The following SGCZ variants were observed in gnomAD, a reference collection of about 807,000 sequenced individuals.
SGCZ encodes the protein sarcoglycan zeta.
In SGCZ, 40 loss-of-function variants were observed where a neutral mutation model predicts 41.3. That is an observed-to-expected ratio of 0.97 (90% CI 0.75 to 1.26). The LOEUF is 1.26. Ranked by LOEUF, SGCZ falls within the 50% of genes most tolerant of loss-of-function variation. SGCZ has a pLI of 0.00. For synonymous variants in SGCZ, 206 were observed against 137.5 expected (o/e 1.50, Z -3.49); for missense variants, 552 against 369.8 (o/e 1.49, Z -4.04).
chr8:15,145,257 C>T (rs1385101067), intron 1 of SGCZ, among the ~76,000 whole-genome samples: 1 of 152,078 alleles, frequency 6.6e-6, no homozygotes, highest in African/African-American at 2.4e-5. Context: ...ATTAGGTGAA[C>T]CAGTAATGAA....
chr8:14,312,652 AGAGGAAGAGGAG>A (rs935200610), intron 3 of SGCZ, among the ~76,000 whole-genome samples: 5 of 150,814 alleles, frequency 3.3e-5, no homozygotes, highest in African/African-American at 5.0e-5. Context: ...AAGAAGAGGA[AGAGGAAGAGGAG>A]GAGGAAGAGG....
chr8:14,946,004 CCATATATATATATATATATATATA>C (rs1476462044), intron 1 of SGCZ, among the ~76,000 whole-genome samples: 1 of 45,760 alleles, frequency 2.2e-5, no homozygotes, highest in African/African-American at 8.8e-5. Flanking sequence ...CTAAATGTCC[CCATATATATATATATATATATATA>C]TATATATATA....
rs936300122 is a variant in SGCZ, at chr8:15,237,649, G to T, written c.-26C>A. ...GGAGCGCAACTAAACGAAGTGGAGA[G>T]GAACCGGGCGAGTGGCACCCAAAAA... On this transcript the variant is annotated 5_prime_UTR_variant, in exon 1 of 8. Coordinates refer to ENST00000382080, the MANE Select transcript of SGCZ (RefSeq NM_139167.4). 1 of 1,574,704 alleles carries T rather than the reference G, an allele frequency of 6.4e-7. No individual in the cohort carries two copies. Among genetic ancestry groups the T allele is most frequent in the African/African-American group, 1.4e-5 (1 of 74,012 alleles).
At chr8:15,192,824 T>C (rs964298684) in intron 1 of SGCZ, among the ~76,000 whole-genome samples, 2 of 152,092 alleles carry the variant, frequency 1.3e-5, no homozygotes, top group Non-Finnish European at 2.9e-5. Flanking sequence ...TTGTGGTTTC[T>C]CACTCCAAGA....
intron 4 of SGCZ, among the ~76,000 whole-genome samples, chr8:14,195,409 G>T (rs1473231710): frequency 6.6e-6 from 1 of 152,076 alleles, no homozygotes; most frequent in Non-Finnish European, 1.5e-5. Flanking sequence ...AGTGATTTTT[G>T]AAACAACTTC....
chr8:14,440,239 A>C (rs1445599134), intron 2 of SGCZ, among the ~76,000 whole-genome samples: 1 of 152,140 alleles, frequency 6.6e-6, no homozygotes, highest in Non-Finnish European at 1.5e-5. Flanking sequence ...ATCAAAAGAT[A>C]TAAAAGAGCT....
intron 1 of SGCZ, among the ~76,000 whole-genome samples, chr8:14,964,655 G>A (rs534933748): frequency 5.3e-5 from 8 of 152,226 alleles, no homozygotes; most frequent in African/African-American, 1.2e-4. Flanking sequence ...TGAAACAAGC[G>A]TTATGGTTCT....
chr8:14,669,202 T>C (rs905743077), intron 1 of SGCZ, among the ~76,000 whole-genome samples: 3 of 148,882 alleles, frequency 2.0e-5, no homozygotes, highest in Non-Finnish European at 4.5e-5. Flanking sequence ...CAAATATATA[T>C]ATATATATAG....
At chr8:14,773,512 T>G (rs980804265) in intron 1 of SGCZ, among the ~76,000 whole-genome samples, 1 of 152,216 alleles carries the variant, frequency 6.6e-6, no homozygotes, top group Admixed American at 6.5e-5. Flanking sequence ...CAAACTCTTC[T>G]GGCTGCCTAC....
intron 1 of SGCZ, among the ~76,000 whole-genome samples, chr8:14,864,257 A>T (rs555257203): frequency 1.3e-5 from 2 of 151,860 alleles, no homozygotes; most frequent in African/African-American, 4.8e-5. Flanking sequence ...TTTTTTTTCT[A>T]TTTCATCCTG....
chr8:14,089,847 A>C lies in SGCZ; in HGVS notation c.*596T>G, dbSNP rs1350563060. 4 of 152,416 alleles carry C rather than the reference A, an allele frequency of 2.6e-5. No individual in the cohort carries two copies. The highest frequency in any genetic ancestry group is 9.7e-5 in the African/African-American group (4 of 41,414). The allele number at this position is 152,416 out of a possible 1,614,324, so 9.4% of individuals were successfully genotyped here. A position where few individuals can be genotyped will look rare whatever the true frequency, so the allele number is the denominator to read the frequency against. Reference sequence around the variant, plus strand: ...AAGAGTAACAGCACATTGAAATTAAAGAAACAGAAGGAAAACTCAGGGAGA... The same window carrying C: ...AAGAGTAACAGCACATTGAAATTAACGAAACAGAAGGAAAACTCAGGGAGA... On this transcript the variant is annotated 3_prime_UTR_variant, in exon 8 of 8. Transcript: ENST00000382080.
At chr8:14,626,457 T>A (rs1806457734) in intron 1 of SGCZ, among the ~76,000 whole-genome samples, 2 of 152,146 alleles carry the variant, frequency 1.3e-5, no homozygotes, top group African/African-American at 4.8e-5. Context: ...ATATTTGAAC[T>A]TTGTCTCTTC....
At chr8:14,298,980 A>T (rs1801102987) in intron 3 of SGCZ, among the ~76,000 whole-genome samples, 1 of 152,074 alleles carries the variant, frequency 6.6e-6, no homozygotes, top group Non-Finnish European at 1.5e-5. Flanking sequence ...AGAGAGTATT[A>T]TATTGGTATA....
chr8:15,211,536 C>T (rs1315339956), intron 1 of SGCZ, among the ~76,000 whole-genome samples: 2 of 152,098 alleles, frequency 1.3e-5, no homozygotes, highest in African/African-American at 2.4e-5. Flanking sequence ...AAGAGAAGGT[C>T]TCAGATAGGA....
chr8:14,639,097 A>T (rs1806933918), intron 1 of SGCZ, among the ~76,000 whole-genome samples: 1 of 137,646 alleles, frequency 7.3e-6, no homozygotes, highest in East Asian at 2.3e-4. Context: ...CCCAGGCTGG[A>T]GTGCAGTGGT....
At chr8:14,465,845 A>G (rs2116964975) in intron 2 of SGCZ, among the ~76,000 whole-genome samples, 1 of 152,008 alleles carries the variant, frequency 6.6e-6, no homozygotes, top group African/African-American at 2.4e-5. Context: ...CTGTATATCC[A>G]AAAACATAAA....
At position 14,428,137 on chromosome 8, in the gene SGCZ, T is replaced by C. The variant is rs75021843; in HGVS notation, c.235-103933A>G. ...ACACACACACACACACACACACATA[T>C]ATATATATATATACACACACACACA... On this transcript the variant is annotated intron_variant, in intron 2 of 7. Transcript: ENST00000382080. Among the ~76,000 whole-genome samples the C allele has an allele frequency of 6.0e-3, 822 of 136,458 alleles. 6 individuals carry two copies. The highest frequency in any genetic ancestry group is 0.026 in the Admixed American group (355 of 13,572). The allele number at this position is 136,458 out of a possible 152,430, so 89.5% of individuals were successfully genotyped here.
At chr8:14,309,873 G>C (rs17095085) in intron 3 of SGCZ, among the ~76,000 whole-genome samples, 54,992 of 151,128 alleles carry the variant, frequency 0.36, 10,391 homozygotes, top group Non-Finnish European at 0.42. Flanking sequence ...TTTTTGGCTA[G>C]AGTTTCTGCT....
intron 1 of SGCZ, among the ~76,000 whole-genome samples, chr8:15,219,808 T>A (rs2117181168): frequency 6.6e-6 from 1 of 152,282 alleles, no homozygotes; most frequent in South Asian, 2.1e-4. Flanking sequence ...TGAGACCAGT[T>A]TTCCAAAGCA....
Sources: gnomAD v4.1 joint callset for allele counts (sites outside exome capture counted in the v4.1 genomes callset) on GRCh38, gnomAD v4.1.1 for gene constraint, MANE v1.5 for transcripts, NCBI Gene and HGNC (gene_info 2026-07-23, HGNC 2026-07-21) for gene names.